Variants in MTUS1 observed in about 807,000 individuals in gnomAD.
The protein encoded by MTUS1 is microtubule-associated tumor suppressor 1.
In MTUS1, 109 loss-of-function variants were observed where a neutral mutation model predicts 120.8. The observed-to-expected ratio is 0.90, with a 90% CI of 0.77 to 1.06. The LOEUF is 1.06. MTUS1 is among the 50% of genes least tolerant of loss of function. The pLI is 0.00. For missense variants in MTUS1, 2,210 were observed against 1,486.3 expected (o/e 1.49, Z -8.01); for synonymous variants, 737 against 550.5 (o/e 1.34, Z -4.74).
rs749919330 is a variant in MTUS1 at position 17,787,649 on chromosome 8, C to T, written c.-155+13412G>A. On this transcript the variant is annotated intron_variant, in intron 1 of 14. Coordinates refer to ENST00000693296, the MANE Select transcript of MTUS1 (RefSeq NM_001363059.2). ...TTCTTCGCCTCATTTTCCTCATGGA[C>T]AAAAACTGATTCAACAATCCATCTC... Among the ~76,000 whole-genome samples the T allele has an allele frequency of 4.6e-5, 7 of 152,190 alleles. No homozygotes were observed. In the South Asian group the frequency reaches 1.4e-3, roughly 31 times the overall value.
chr8:17,743,484 C>G, intron 3 of MTUS1, 120 bp downstream of exon 3: 3 of 913,376 alleles, frequency 3.3e-6, no homozygotes, highest in East Asian at 5.1e-5. Context: ...CTCCTGTGCT[C>G]AGGATGCTGA....
intron 1 of MTUS1, among the ~76,000 whole-genome samples, chr8:17,756,336 G>A (rs567662229): frequency 6.6e-6 from 1 of 152,054 alleles, no homozygotes; most frequent in African/African-American, 2.4e-5. Flanking sequence ...ATTTGCTTAT[G>A]ACAGTCCCAA....
intron 3 of MTUS1, among the ~76,000 whole-genome samples, chr8:17,732,809 C>T (rs1329073773): frequency 6.6e-6 from 1 of 152,110 alleles, no homozygotes; most frequent in African/African-American, 2.4e-5. Flanking sequence ...ACCCCCAATC[C>T]AATCTAAGCA....
chr8:17,759,635 T>C (rs961217590), intron 1 of MTUS1, among the ~76,000 whole-genome samples: 1 of 138,104 alleles, frequency 7.2e-6, no homozygotes, highest in African/African-American at 2.5e-5. Flanking sequence ...TTTTTATATA[T>C]TTATATATAA....
intron 6 of MTUS1, among the ~76,000 whole-genome samples, chr8:17,695,693 A>G (rs895828236): frequency 6.6e-6 from 1 of 152,216 alleles, no homozygotes; most frequent in African/African-American, 2.4e-5. Flanking sequence ...GGAATGTTAC[A>G]GAACTATTTT....
In MTUS1 at chr8:17,675,347, T is replaced by C. The variant is rs1435165887; in HGVS notation, c.2839-95A>G. On this transcript the variant is annotated intron_variant, in intron 7 of 14. Transcript: ENST00000693296. The stretch of plus-strand genomic sequence containing the variant: ...ATCACTAGGAAAATGAGACCCAGTA[T>C]TGGGAAGCCAAGATATGAATCATTT... 2.0e-5 allele frequency: 21 copies of C among 1,041,914 alleles called. No homozygotes were observed. In the Admixed American group the frequency reaches 3.6e-4, roughly 18 times the overall value. The allele number at this position is 1,041,914 out of a possible 1,614,324, so 64.5% of individuals were successfully genotyped here.
chr8:17,654,864 G>C (rs1807862591), intron 9 of MTUS1, 198 bp from the exon 10 acceptor site: 1 of 579,184 alleles, frequency 1.7e-6, no homozygotes, highest in East Asian at 2.8e-5. Context: ...AGAGGTGGAG[G>C]ATCACTTGGA....
chr8:17,726,016 C>T (rs188910111), intron 3 of MTUS1, among the ~76,000 whole-genome samples: 3 of 152,270 alleles, frequency 2.0e-5, no homozygotes, highest in East Asian at 3.9e-4. Context: ...CCCCTTCATA[C>T]ACACACACCC....
intron 4 of MTUS1, chr8:17,723,463 T>C (rs755398535): frequency 4.8e-6 from 3 of 618,654 alleles, no homozygotes; most frequent in Non-Finnish European, 5.8e-6. Flanking sequence ...GAATCCTTCA[T>C]GCAAAAATAT....
intron 4 of MTUS1, chr8:17,722,599 T>C (rs1462874628): frequency 1.0e-6 from 1 of 984,720 alleles, no homozygotes. Context: ...TGCTGCTAGG[T>C]GACCCGTCGG....
intron 8 of MTUS1, among the ~76,000 whole-genome samples, chr8:17,674,165 C>T (rs1463615937): frequency 2.0e-5 from 3 of 152,004 alleles, no homozygotes; most frequent in Admixed American, 6.6e-5. Flanking sequence ...CGGCTGGGTG[C>T]GGTGGCTCAC....
chr8:17,779,093 C>G (rs2050678299), intron 1 of MTUS1, among the ~76,000 whole-genome samples: 1 of 152,132 alleles, frequency 6.6e-6, no homozygotes. Context: ...GAAGGCCTCT[C>G]TGAACAAGTC....
chr8:17,703,972 G>C (rs950089419), intron 6 of MTUS1: 1 of 152,118 alleles, frequency 6.6e-6, no homozygotes, highest in Non-Finnish European at 1.5e-5. Context: ...AATCTTGCTG[G>C]TTTCGCGGCT....
At chr8:17,801,316 A>G (rs1477138028), upstream of MTUS1, 2 of 151,608 alleles carry the variant, frequency 1.3e-5, no homozygotes, top group Non-Finnish European at 2.9e-5. Flanking sequence ...GGAAACTTGT[A>G]AATAGCCGAA....
At chr8:17,797,137 G>C (rs1291496682) in intron 1 of MTUS1, among the ~76,000 whole-genome samples, 1 of 151,910 alleles carries the variant, frequency 6.6e-6, no homozygotes, top group Non-Finnish European at 1.5e-5. Context: ...TTAGGCTGAG[G>C]GCGGTGGCTC....
intron 1 of MTUS1, among the ~76,000 whole-genome samples, chr8:17,760,807 A>G (rs1455101313): frequency 1.2e-3 from 61 of 50,278 alleles, no homozygotes; most frequent in Middle Eastern, 0.019. Flanking sequence ...TGCTGGAGGG[A>G]AAAAAAAAAA....
At chr8:17,708,685 A>C (rs781745255) in intron 6 of MTUS1, 3 of 152,256 alleles carry the variant, frequency 2.0e-5, no homozygotes, top group Non-Finnish European at 4.4e-5. Context: ...TTAAAAGGAA[A>C]TAAAAGCCTA....
intron 6 of MTUS1, among the ~76,000 whole-genome samples, chr8:17,689,567 A>C: frequency 6.6e-6 from 1 of 152,302 alleles, no homozygotes; most frequent in Admixed American, 6.5e-5. Context: ...TATGTACCTA[A>C]AATGGACTCC....
At position 17,644,749 on chromosome 8, in the gene MTUS1, C is replaced by CTT. The variant is rs1322025678; in HGVS notation, c.*1175_*1176dup. On this transcript the variant is annotated 3_prime_UTR_variant, in exon 15 of 15. Transcript: ENST00000693296. ...AGCCAATGACTTCCTTGTTCTCGTT[C>CTT]TTTATTCTAAGATTTCCCAAAATTT... is the stretch of plus-strand genomic sequence containing the variant. 1 of 152,136 alleles carries CTT rather than the reference C, an allele frequency of 6.6e-6. No homozygotes were observed. Among genetic ancestry groups the CTT allele is most frequent in the Non-Finnish European group, 1.5e-5 (1 of 68,026 alleles). 9.4% of individuals were successfully genotyped at this position (152,136 alleles called of 1,614,324 possible).
Sources: gnomAD v4.1 joint callset for allele counts (sites outside exome capture counted in the v4.1 genomes callset) on GRCh38, gnomAD v4.1.1 for gene constraint, MANE v1.5 for transcripts, NCBI Gene and HGNC (gene_info 2026-07-23, HGNC 2026-07-21) for gene names.